RBFOX3: variants seen among roughly 807,000 people sequenced by gnomAD.
The protein encoded by RBFOX3 is RNA binding fox-1 homolog 3.
A neutral mutation model predicts 48.7 loss-of-function variants in RBFOX3; 17 were observed. The ratio of observed to expected loss-of-function variants is 0.35; its 90% CI spans 0.24 to 0.52. RBFOX3 has a LOEUF of 0.52. Among genes scored for constraint, RBFOX3 ranks in the 20% least tolerant of loss-of-function variants. The pLI is 0.94. For synonymous variants in RBFOX3, 212 were observed against 209.5 expected (o/e 1.01, Z -0.10); for missense variants, 382 against 497.5 (o/e 0.77, Z 2.21).
At chr17:79,158,412 C>A (rs2046280723) in intron 4 of RBFOX3, among the ~76,000 whole-genome samples, 1 of 152,206 alleles carries the variant, frequency 6.6e-6, no homozygotes, top group South Asian at 2.1e-4. Flanking sequence ...CTGTGGTGAG[C>A]CGGTTAAGAT....
At chr17:79,478,215 C>T (rs1440315971) in intron 2 of RBFOX3, among the ~76,000 whole-genome samples, 3 of 152,250 alleles carry the variant, frequency 2.0e-5, no homozygotes, top group South Asian at 2.1e-4. Flanking sequence ...AGACAAGAGA[C>T]GGGCGTGATG....
At chr17:79,521,412 C>T (rs975770073) in intron 1 of RBFOX3, among the ~76,000 whole-genome samples, 35 of 151,494 alleles carry the variant, frequency 2.3e-4, no homozygotes, top group African/African-American at 8.0e-4. Context: ...ACACACATAC[C>T]CTCACAGACT....
chr17:79,368,997 C>A (rs4790018), intron 2 of RBFOX3, among the ~76,000 whole-genome samples: 2 of 151,936 alleles, frequency 1.3e-5, no homozygotes, highest in African/African-American at 4.8e-5. Flanking sequence ...ACTCGCTCAC[C>A]GCCGCCTGCT....
At chr17:79,236,557 T>C (rs1316381761) in intron 3 of RBFOX3, among the ~76,000 whole-genome samples, 1 of 152,188 alleles carries the variant, frequency 6.6e-6, no homozygotes, top group East Asian at 1.9e-4. Flanking sequence ...TGCACATTCA[T>C]TTTATGTTAT....
intron 2 of RBFOX3, among the ~76,000 whole-genome samples, chr17:79,465,187 G>A (rs569274056): frequency 3.9e-5 from 6 of 152,232 alleles, no homozygotes; most frequent in Admixed American, 2.0e-4. Context: ...TTCCCGAGGC[G>A]GCCTCCCCTC....
intron 3 of RBFOX3, among the ~76,000 whole-genome samples, chr17:79,250,795 TTCCC>T (rs902409114): frequency 9.4e-5 from 13 of 139,026 alleles, no homozygotes; most frequent in South Asian, 2.8e-4. Flanking sequence ...CTCCCTTCCT[TTCCC>T]TCCCTCCCTC....
At chr17:79,427,618 T>C (rs1555726268) in intron 2 of RBFOX3, among the ~76,000 whole-genome samples, 1 of 152,238 alleles carries the variant, frequency 6.6e-6, no homozygotes. Flanking sequence ...TTTCTCACTC[T>C]TAACCGTGGA....
At chr17:79,556,573 G>A (rs2091778017) in intron 1 of RBFOX3, among the ~76,000 whole-genome samples, 1 of 152,052 alleles carries the variant, frequency 6.6e-6, no homozygotes, top group Non-Finnish European at 1.5e-5. Flanking sequence ...GGTGGGGAGA[G>A]GAAATCAAGT....
intron 1 of RBFOX3, among the ~76,000 whole-genome samples, chr17:79,504,005 T>A (rs528243780): frequency 1.5e-5 from 1 of 67,898 alleles, no homozygotes; most frequent in Admixed American, 1.6e-4. Context: ...GGTGGCAGGG[T>A]GCTCCAGGTG....
chr17:79,445,203 T>C (rs1345543974), intron 2 of RBFOX3, among the ~76,000 whole-genome samples: 2 of 152,220 alleles, frequency 1.3e-5, no homozygotes, highest in African/African-American at 4.8e-5. Flanking sequence ...ATGGCGCTGC[T>C]GGGAACACGG....
intron 3 of RBFOX3, among the ~76,000 whole-genome samples, chr17:79,269,588 A>AG (rs2067306747): frequency 6.6e-6 from 1 of 151,182 alleles, no homozygotes; most frequent in African/African-American, 2.4e-5. Flanking sequence ...CTCCCTGGGG[A>AG]TCGTCCCATC....
chr17:79,476,497 G>A (rs1470067985), intron 2 of RBFOX3, among the ~76,000 whole-genome samples: 2 of 152,212 alleles, frequency 1.3e-5, no homozygotes, highest in African/African-American at 2.4e-5. Context: ...AAATGCCACT[G>A]AGGTCTGTGA....
intron 1 of RBFOX3, among the ~76,000 whole-genome samples, chr17:79,597,861 T>C (rs1477107157): frequency 1.3e-5 from 2 of 152,152 alleles, no homozygotes; most frequent in African/African-American, 2.4e-5. Context: ...AATCAGACCC[T>C]AGGCAGGGGG....
chr17:79,229,835 C>G (rs2060791333), intron 4 of RBFOX3, among the ~76,000 whole-genome samples: 1 of 152,156 alleles, frequency 6.6e-6, no homozygotes, highest in Non-Finnish European at 1.5e-5. Context: ...AATAATCGAC[C>G]CATCCTAAGC....
intron 1 of RBFOX3, among the ~76,000 whole-genome samples, chr17:79,593,721 A>C (rs1299134396): frequency 6.6e-6 from 1 of 152,224 alleles, no homozygotes; most frequent in Non-Finnish European, 1.5e-5. Context: ...TGAAAACGAC[A>C]AGAGGAGTCG....
intron 2 of RBFOX3, among the ~76,000 whole-genome samples, chr17:79,442,920 AGCCAC>A (rs2071446238): frequency 6.6e-6 from 1 of 152,210 alleles, no homozygotes; most frequent in Non-Finnish European, 1.5e-5. Context: ...AGCTCCCCAC[AGCCAC>A]AATGGAAAAT....
At chr17:79,215,535 C>T (rs563167319) in intron 4 of RBFOX3, among the ~76,000 whole-genome samples, 6 of 152,316 alleles carry the variant, frequency 3.9e-5, no homozygotes, top group East Asian at 3.9e-4. Context: ...CACTGCTGAC[C>T]GACCACTCAG....
At chr17:79,138,143 CGT>C (rs916264547) in intron 4 of RBFOX3, among the ~76,000 whole-genome samples, 8 of 152,114 alleles carry the variant, frequency 5.3e-5, no homozygotes, top group African/African-American at 4.8e-5. Flanking sequence ...CCCAGAGGGG[CGT>C]GTGTCACCGA....
intron 4 of RBFOX3, among the ~76,000 whole-genome samples, chr17:79,125,052 T>C (rs2147284652): frequency 6.6e-6 from 1 of 152,208 alleles, no homozygotes; most frequent in African/African-American, 2.4e-5. Flanking sequence ...TCCCTGGTGG[T>C]CCCTCCAACC....
Sources: allele counts gnomAD v4.1 joint callset (sites outside exome capture counted in the v4.1 genomes callset), GRCh38; gene constraint gnomAD v4.1.1; transcripts MANE v1.5; gene names NCBI Gene and HGNC (gene_info 2026-07-23, HGNC 2026-07-21).